CCSER2: variants seen among roughly 807,000 people sequenced by gnomAD.
CCSER2 encodes serine-rich coiled-coil domain-containing protein 2.
A neutral mutation model predicts 92.3 loss-of-function variants in CCSER2; 46 were observed. The observed-to-expected ratio is 0.50, with a 90% CI of 0.39 to 0.64. The LOEUF is 0.64. Among genes scored for constraint, CCSER2 ranks in the 30% least tolerant of loss-of-function variants. The pLI is 0.00. For synonymous variants in CCSER2, 433 were observed against 431.4 expected (o/e 1.00, Z -0.04); for missense variants, 1,244 against 1,238.9 (o/e 1.00, Z -0.06).
chr10:84,403,160 T>C (rs1480489171), intron 3 of CCSER2, among the ~76,000 whole-genome samples: 3 of 138,930 alleles, frequency 2.2e-5, no homozygotes. Context: ...CCTACACAAA[T>C]ATGCCCAAGT....
Position 84,513,106 on chromosome 10 carries a change from C to CT in CCSER2, c.2326-342dup, listed in dbSNP as rs1589851134. Among the ~76,000 whole-genome samples the CT allele has an allele frequency of 4.6e-5, 7 of 152,228 alleles. No individual in the cohort carries two copies. The South Asian group carries it at 1.2e-3, about 27-fold the overall frequency. ...TGTTTTGTGGAGGTTAAACCAAAAGCTGTAGAATCATTCTGTCAAGCTCTA... is the reference window on the plus strand; with the variant it reads ...TGTTTTGTGGAGGTTAAACCAAAAGCTTGTAGAATCATTCTGTCAAGCTCTA... On this transcript the variant is annotated intron_variant, in intron 9 of 9. Transcript: ENST00000372088.
At chr10:84,409,980 C>G (rs1324537422) in intron 3 of CCSER2, among the ~76,000 whole-genome samples, 2 of 152,116 alleles carry the variant, frequency 1.3e-5, no homozygotes, top group Non-Finnish European at 2.9e-5. Flanking sequence ...GTGTTCCCAT[C>G]ATTCAGCTCC....
intron 8 of CCSER2, among the ~76,000 whole-genome samples, chr10:84,471,203 T>G (rs1484434039): frequency 1.3e-5 from 2 of 151,954 alleles, no homozygotes; most frequent in South Asian, 4.1e-4. Flanking sequence ...TGGGGTCAGC[T>G]CACGGAGATC....
intron 3 of CCSER2, among the ~76,000 whole-genome samples, chr10:84,413,754 C>T (rs931641913): frequency 6.6e-6 from 1 of 152,112 alleles, no homozygotes; most frequent in Non-Finnish European, 1.5e-5. Context: ...ATTAATGTCT[C>T]CCACTATTAT....
chr10:84,465,805 C>T (rs1846386848), intron 7 of CCSER2, among the ~76,000 whole-genome samples: 1 of 151,380 alleles, frequency 6.6e-6, no homozygotes, highest in African/African-American at 2.4e-5. Context: ...GGCTGGAGTG[C>T]AGTGGCATGA....
chr10:84,358,042 C>T (rs1845285660), intron 1 of CCSER2, among the ~76,000 whole-genome samples: 1 of 152,168 alleles, frequency 6.6e-6, no homozygotes, highest in Non-Finnish European at 1.5e-5. Flanking sequence ...GTAAAGAACA[C>T]ACATGCCTCT....
intron 1 of CCSER2, among the ~76,000 whole-genome samples, chr10:84,364,126 A>C (rs1845656342): frequency 6.6e-6 from 1 of 152,224 alleles, no homozygotes; most frequent in Non-Finnish European, 1.5e-5. Context: ...AATGGAGCTT[A>C]CAGGACTGAA....
intron 6 of CCSER2, among the ~76,000 whole-genome samples, chr10:84,443,534 ACT>A (rs1281261080): frequency 6.6e-6 from 1 of 152,212 alleles, no homozygotes; most frequent in Admixed American, 6.5e-5. Context: ...ACACTTTTAC[ACT>A]GTTGGTGGGA....
chr10:84,480,717 A>G (rs1847407256), intron 9 of CCSER2, among the ~76,000 whole-genome samples: 1 of 152,236 alleles, frequency 6.6e-6, no homozygotes, highest in African/African-American at 2.4e-5. Context: ...TACTTAAATC[A>G]TACAAGCCAA....
At chr10:84,367,351 C>T (rs1845826036) in intron 1 of CCSER2, among the ~76,000 whole-genome samples, 1 of 150,522 alleles carries the variant, frequency 6.6e-6, no homozygotes, top group Admixed American at 6.6e-5. Context: ...CTTTCTAATT[C>T]AATATCTTTG....
At chr10:84,475,415 T>C (rs761154050) in intron 8 of CCSER2, among the ~76,000 whole-genome samples, 2 of 152,206 alleles carry the variant, frequency 1.3e-5, no homozygotes, top group African/African-American at 4.8e-5. Flanking sequence ...GGAAAACTCA[T>C]ATATTTGCCA....
chr10:84,378,432 A>T (rs1483875445), intron 3 of CCSER2, among the ~76,000 whole-genome samples: 72 of 135,942 alleles, frequency 5.3e-4, no homozygotes, highest in Non-Finnish European at 7.2e-4. Flanking sequence ...TTAAAATTAA[A>T]TTTTTTTTTT....
intron 9 of CCSER2, among the ~76,000 whole-genome samples, chr10:84,480,578 G>T (rs4592372): frequency 6.6e-6 from 1 of 151,964 alleles, no homozygotes; most frequent in Non-Finnish European, 1.5e-5. Flanking sequence ...GCCAAAATAT[G>T]TACGTTTAAA....
At chr10:84,403,146 T>C (rs117245799) in intron 3 of CCSER2, among the ~76,000 whole-genome samples, 151 of 150,720 alleles carry the variant, frequency 1.0e-3, no homozygotes, top group Non-Finnish European at 1.9e-3. Context: ...AACCCTGAAG[T>C]AGACCTACAC....
At chr10:84,337,823 G>T (rs534942443) in intron 1 of CCSER2, among the ~76,000 whole-genome samples, 1 of 152,170 alleles carries the variant, frequency 6.6e-6, no homozygotes, top group Non-Finnish European at 1.5e-5. Flanking sequence ...GAAAAAGCAG[G>T]CTGGAGGGGC....
intron 1 of CCSER2, among the ~76,000 whole-genome samples, chr10:84,353,161 G>A (rs149635279): frequency 1.3e-5 from 2 of 152,130 alleles, no homozygotes; most frequent in African/African-American, 4.8e-5. Context: ...ATTAGTTATC[G>A]TTAAGGGCCC....
At chr10:84,343,906 T>C (rs1420046192) in intron 1 of CCSER2, among the ~76,000 whole-genome samples, 1 of 152,174 alleles carries the variant, frequency 6.6e-6, no homozygotes, top group Non-Finnish European at 1.5e-5. Flanking sequence ...TGAGTATTAG[T>C]GTGTGGAATT....
intron 4 of CCSER2, among the ~76,000 whole-genome samples, chr10:84,424,771 G>A (rs1843340963): frequency 6.6e-6 from 1 of 152,216 alleles, no homozygotes; most frequent in East Asian, 1.9e-4. Context: ...TCAGACTAGA[G>A]AAACCTTTCC....
At chr10:84,451,025 G>A (rs1845250687) in intron 6 of CCSER2, among the ~76,000 whole-genome samples, 1 of 151,958 alleles carries the variant, frequency 6.6e-6, no homozygotes, top group Non-Finnish European at 1.5e-5. Context: ...TAACAGCTTT[G>A]TTTTTGGAAT....
Sources: allele counts gnomAD v4.1 joint callset (sites outside exome capture counted in the v4.1 genomes callset), GRCh38; gene constraint gnomAD v4.1.1; transcripts MANE v1.5; gene names NCBI Gene and HGNC (gene_info 2026-07-23, HGNC 2026-07-21).